ZFHX3: variants seen among roughly 807,000 people sequenced by gnomAD.
ZFHX3 encodes the protein zinc finger homeobox 3.
In ZFHX3, 42 loss-of-function variants were observed where a neutral mutation model predicts 279.1. The observed-to-expected ratio is 0.15, with a 90% confidence interval of 0.12 to 0.19. The LOEUF is 0.19. ZFHX3 is among the 10% of genes least tolerant of loss of function. The pLI is 1.00. For missense variants in ZFHX3, 4,981 were observed against 4,754.0 expected (o/e 1.05, Z -1.40); for synonymous variants, 2,293 against 1,957.8 (o/e 1.17, Z -4.52).
At chr16:73,390,037 G>T (rs1425050419) in intron 3 of ZFHX3, among the ~76,000 whole-genome samples, 1 of 152,130 alleles carries the variant, frequency 6.6e-6, no homozygotes, top group Non-Finnish European at 1.5e-5. Context: ...TCCAGCCTGG[G>T]TGACAGAGCG....
In ZFHX3 at chr16:72,959,447, C is replaced by G; in HGVS notation, c.699G>C (p.Val233=). The G allele has an allele frequency of 6.2e-7, 1 of 1,614,262 alleles. No individual in the cohort carries two copies. The change falls in exon 2 of 10, where the codon GTG becomes GTC. Residue 233 remains valine, a synonymous_variant. Transcript: ENST00000268489. The part of the protein sequence containing the change: ...GLSPVLHSFR[V]FDVRHKSNKD... ...TGTTGCTTTTGTGTCGCACGTCAAACACGCGGAAGCTGTGCAGGACGGGGC... is the reference window on the plus strand; with the variant it reads ...TGTTGCTTTTGTGTCGCACGTCAAAGACGCGGAAGCTGTGCAGGACGGGGC...
At chr16:72,974,944 T>C (rs958737029) in intron 1 of ZFHX3, among the ~76,000 whole-genome samples, 2 of 152,078 alleles carry the variant, frequency 1.3e-5, no homozygotes, top group Non-Finnish European at 2.9e-5. Flanking sequence ...GACTGAAGGC[T>C]TGAGAGGTTT....
intron 1 of ZFHX3, among the ~76,000 whole-genome samples, chr16:73,857,923 A>T (rs1312393768): frequency 6.6e-6 from 1 of 152,078 alleles, no homozygotes; most frequent in African/African-American, 2.4e-5. Context: ...CCTGGCCAAC[A>T]TGGTGAAACC....
intron 5 of ZFHX3, among the ~76,000 whole-genome samples, chr16:73,239,257 G>C (rs985181582): frequency 6.6e-6 from 1 of 152,186 alleles, no homozygotes; most frequent in Non-Finnish European, 1.5e-5. Context: ...TTCCTATTGG[G>C]CAATTCTCAC....
upstream of ZFHX3, chr16:73,062,015 C>T (rs558157679): frequency 2.6e-5 from 4 of 151,808 alleles, no homozygotes; most frequent in South Asian, 8.3e-4. Flanking sequence ...AGGTACCAAG[C>T]TTGTATGATT....
intron 4 of ZFHX3, chr16:73,294,162 T>C (rs1318764477): frequency 6.6e-6 from 1 of 152,196 alleles, no homozygotes; most frequent in African/African-American, 2.4e-5. Context: ...TATACAGTAC[T>C]ATACATTTGT....
At chr16:73,009,878 G>A (rs12051512) in intron 1 of ZFHX3, among the ~76,000 whole-genome samples, 26,322 of 151,954 alleles carry the variant, frequency 0.17, 2,543 homozygotes, top group East Asian at 0.38. Flanking sequence ...AAAATTAGCA[G>A]GGTGTGGTGG....
At chr16:73,119,553 C>T (rs1418899195) in intron 7 of ZFHX3, among the ~76,000 whole-genome samples, 3 of 152,204 alleles carry the variant, frequency 2.0e-5, no homozygotes, top group East Asian at 3.8e-4. Context: ...TGCTCCTGAG[C>T]GCTTGGACCA....
At position 73,158,180 on chromosome 16, in the gene ZFHX3, G is replaced by A. The variant is rs143604680; in HGVS notation, c.-1103-14349C>T. Among the ~76,000 whole-genome samples, 532 of 152,284 alleles carry A rather than the reference G, an allele frequency of 3.5e-3. 4 individuals are homozygous for A. The highest frequency in any genetic ancestry group is 0.019 in the South Asian group (91 of 4,820). ...TTTCCCAGGCTGGGACAGCAGCCCC[G>A]GCATTTACCACTCTGGGGATTAGAA... On this transcript the variant is annotated intron_variant, in intron 5 of 17. Coordinates refer to the ZFHX3 transcript ENST00000641206.
At chr16:72,819,192 G>A (rs184317852) in intron 5 of ZFHX3, among the ~76,000 whole-genome samples, 72 of 152,032 alleles carry the variant, frequency 4.7e-4, no homozygotes, top group Middle Eastern at 3.4e-3. Flanking sequence ...ACTCTTCATC[G>A]TGACCCTGCC....
At chr16:73,546,714 TG>T (rs1596991139) in intron 2 of ZFHX3, among the ~76,000 whole-genome samples, 1 of 146,596 alleles carries the variant, frequency 6.8e-6, no homozygotes, top group Admixed American at 6.7e-5. Flanking sequence ...CTGCTGCTGC[TG>T]CTGCTGCTGC....
chr16:73,691,348 C>T (rs887802836), intron 1 of ZFHX3, among the ~76,000 whole-genome samples: 1 of 152,140 alleles, frequency 6.6e-6, no homozygotes, highest in Non-Finnish European at 1.5e-5. Context: ...GATTATAGTA[C>T]TGCTATCAAA....
chr16:72,886,386 T>C (rs1174840215), intron 4 of ZFHX3, among the ~76,000 whole-genome samples: 1 of 151,562 alleles, frequency 6.6e-6, no homozygotes, highest in Non-Finnish European at 1.5e-5. Context: ...GCTCACACAC[T>C]TCTCGGGGGA....
chr16:73,846,709 C>T (rs1380442620), intron 1 of ZFHX3, among the ~76,000 whole-genome samples: 1 of 152,150 alleles, frequency 6.6e-6, no homozygotes, highest in African/African-American at 2.4e-5. Context: ...ACGGTGGAAG[C>T]TCAGGCCTCT....
chr16:73,656,521 G>A (rs2142170782), intron 2 of ZFHX3, among the ~76,000 whole-genome samples: 1 of 152,264 alleles, frequency 6.6e-6, no homozygotes, highest in South Asian at 2.1e-4. Context: ...AGAAATCAAA[G>A]GGAATTGGGA....
chr16:73,261,060 G>A (rs2144968077), intron 4 of ZFHX3, among the ~76,000 whole-genome samples: 1 of 152,226 alleles, frequency 6.6e-6, no homozygotes, highest in African/African-American at 2.4e-5. Context: ...CTTGTTAAAG[G>A]ATTTATGTGC....
At chr16:73,719,136 A>C (rs993399684) in intron 1 of ZFHX3, among the ~76,000 whole-genome samples, 1 of 152,174 alleles carries the variant, frequency 6.6e-6, no homozygotes, top group Non-Finnish European at 1.5e-5. Context: ...GGTCACTTTG[A>C]ACTTTCACTT....
intron 5 of ZFHX3, among the ~76,000 whole-genome samples, chr16:73,235,585 A>G (rs188269254): frequency 2.5e-4 from 38 of 152,226 alleles, no homozygotes; most frequent in Middle Eastern, 3.4e-3. Flanking sequence ...CACCTGATGT[A>G]TGGGGGAATA....
At chr16:73,092,974 C>T (rs1340215845) in intron 8 of ZFHX3, 1 of 520,108 alleles carries the variant, frequency 1.9e-6, no homozygotes. Flanking sequence ...GCTCTGTGTG[C>T]CCTTCCTGGA....
Sources: allele counts gnomAD v4.1 joint callset (sites outside exome capture counted in the v4.1 genomes callset), GRCh38; gene constraint gnomAD v4.1.1; transcripts MANE v1.5; gene names NCBI Gene and HGNC (gene_info 2026-07-23, HGNC 2026-07-21).